Variants in PCYT1A observed in about 807,000 individuals in gnomAD.
PCYT1A encodes choline-phosphate cytidylyltransferase A.
Under a neutral mutation model 43.7 loss-of-function variants are expected in PCYT1A, and 25 were observed. That is an observed-to-expected ratio of 0.57 (90% CI 0.42 to 0.80). The LOEUF is 0.80. PCYT1A is among the 30% of genes least tolerant of loss of function. The pLI, the probability that PCYT1A is intolerant of heterozygous loss-of-function variation, is 0.00. For missense variants in PCYT1A, 421 were observed against 474.2 expected (o/e 0.89, Z 1.04); for synonymous variants, 172 against 170.7 (o/e 1.01, Z -0.06).
intron 3 of PCYT1A, among the ~76,000 whole-genome samples, chr3:196,248,779 C>T (rs1031797945): frequency 1.9e-4 from 29 of 151,358 alleles, no homozygotes; most frequent in Admixed American, 5.3e-4. Flanking sequence ...TTTCTTGAGA[C>T]GGAATCTCGC....
At chr3:196,239,991 C>T (rs1009348436) in intron 7 of PCYT1A, 7 of 424,964 alleles carry the variant, frequency 1.6e-5, no homozygotes, top group African/African-American at 7.9e-5. Flanking sequence ...GTAACAGGCA[C>T]GTAGCCAAAT....
intron 3 of PCYT1A, among the ~76,000 whole-genome samples, 198 bp from the exon 4 acceptor site, chr3:196,248,521 G>A (rs1724642545): frequency 6.6e-6 from 1 of 151,494 alleles, no homozygotes. Context: ...ACAGGTGCAT[G>A]TCATCACGCC....
rs902624671 is a variant in PCYT1A at position 196,273,076 on chromosome 3, G to T, written c.-10-2535C>A. On this transcript the variant is annotated intron_variant, in intron 1 of 8. Transcript: ENST00000431016. The surrounding 1 kb of genome is among the most constrained non-coding windows in gnomAD (Gnocchi z 4.1). Reference sequence around the variant, plus strand: ...CACAGCCAGGCACGCCAGCTGCCAGGGGGTGAGCAGCTCGAGGCGCCAGCT... The same window carrying T: ...CACAGCCAGGCACGCCAGCTGCCAGTGGGTGAGCAGCTCGAGGCGCCAGCT... Among the ~76,000 whole-genome samples the T allele has an allele frequency of 5.1e-4, 77 of 152,318 alleles. 1 individual carries two copies. Among genetic ancestry groups the T allele is most frequent in the Admixed American group, 5.0e-3 (76 of 15,304 alleles).
chr3:196,251,673 T>G (rs539062922), intron 3 of PCYT1A: 1 of 152,182 alleles, frequency 6.6e-6, no homozygotes, highest in Non-Finnish European at 1.5e-5. Context: ...CTGTTTATAA[T>G]AGCAACAGTC....
rs972971675 is a variant in PCYT1A at position 196,249,114 on chromosome 3, G to C, written c.218-791C>G. Reference sequence around the variant, plus strand: ...TCTGGGTATTCACCCTGATTTTAGGGGTAGGTTGGGTTATGAAAAATGACT... The same window carrying C: ...TCTGGGTATTCACCCTGATTTTAGGCGTAGGTTGGGTTATGAAAAATGACT... On this transcript the variant is annotated intron_variant, in intron 3 of 8. Coordinates refer to ENST00000431016, the MANE Select transcript of PCYT1A (RefSeq NM_001312673.2). Among the ~76,000 whole-genome samples the C allele has an allele frequency of 8.6e-5, 13 of 151,688 alleles. No homozygotes were observed. The East Asian group carries it at 2.3e-3, about 27-fold the overall frequency.
rs1725502064 is a variant in PCYT1A, at chr3:196,273,648, T to C, written c.-10-3107A>G. ...TGCAGCCCTCAGTGGAGAGGAGACC[T>C]GGAGTGGGAAGCTCCTATCCGCAGG... is the stretch of plus-strand genomic sequence containing the variant. On this transcript the variant is annotated intron_variant, in intron 1 of 8. Coordinates refer to ENST00000431016, the MANE Select transcript of PCYT1A (RefSeq NM_001312673.2). The surrounding 1 kb of genome is among the most constrained non-coding windows in gnomAD (Gnocchi z 4.1). Among the ~76,000 whole-genome samples the C allele has an allele frequency of 1.3e-5, 2 of 152,210 alleles. No individual in the cohort carries two copies. Among genetic ancestry groups the C allele is most frequent in the Admixed American group, 1.3e-4 (2 of 15,290 alleles).
At chr3:196,260,401 A>G (rs776156529) in intron 2 of PCYT1A, among the ~76,000 whole-genome samples, 2 of 152,246 alleles carry the variant, frequency 1.3e-5, no homozygotes, top group Non-Finnish European at 2.9e-5. Context: ...TGAAGAAGTT[A>G]GAACCATCAT....
At chr3:196,244,085 G>A (rs1238802323) in intron 5 of PCYT1A, among the ~76,000 whole-genome samples, 2 of 147,818 alleles carry the variant, frequency 1.4e-5, no homozygotes, top group Admixed American at 1.4e-4. Context: ...TCTGAGATGT[G>A]GGGAGCGCCT....
intron 5 of PCYT1A, among the ~76,000 whole-genome samples, chr3:196,245,516 G>T (rs189939900): frequency 4.6e-5 from 7 of 152,288 alleles, no homozygotes; most frequent in Admixed American, 2.0e-4. Context: ...TTGTTCGGAG[G>T]CGTGCTAAAC....
rs1380194057 is a variant in PCYT1A, at chr3:196,237,942, A to C, written c.*746T>G. 1 of 152,280 alleles carries C rather than the reference A, an allele frequency of 6.6e-6. No homozygotes were observed. Among genetic ancestry groups the C allele is most frequent in the Non-Finnish European group, 1.5e-5 (1 of 68,060 alleles). The allele number at this position is 152,280 out of a possible 1,614,324, so 9.4% of individuals were successfully genotyped here. ...AAAAGCTCCCAAAGAACTGGGTCAC[A>C]GAGTTTTCTGAGAAGATGAACACAG... is the stretch of plus-strand genomic sequence containing the variant. On this transcript the variant is annotated 3_prime_UTR_variant, in exon 9 of 9. Coordinates refer to ENST00000431016, the MANE Select transcript of PCYT1A (RefSeq NM_001312673.2).
At position 196,237,666 on chromosome 3, in the gene PCYT1A, T is replaced by C. The variant is rs1167623009; in HGVS notation, c.*1022A>G. 6.6e-6 allele frequency: 1 copy of C among 152,226 alleles called. No homozygotes were observed. Among genetic ancestry groups the C allele is most frequent in the African/African-American group, 2.4e-5 (1 of 41,460 alleles). 9.4% of individuals were successfully genotyped at this position (152,226 alleles called of 1,614,324 possible). A position where few individuals can be genotyped will look rare whatever the true frequency, so the allele number is the denominator to read the frequency against. On this transcript the variant is annotated 3_prime_UTR_variant, in exon 9 of 9. Transcript: ENST00000431016. ...CCTTTACATTCTGTGCAAATCTCTCTAATATGGCTATGACCAAAATGGATT... is the reference window on the plus strand; with the variant it reads ...CCTTTACATTCTGTGCAAATCTCTCCAATATGGCTATGACCAAAATGGATT...
rs1236880188 is a variant in PCYT1A, at chr3:196,273,928, C to T, written c.-10-3387G>A. Among the ~76,000 whole-genome samples the T allele has an allele frequency of 6.6e-6, 1 of 152,250 alleles. No homozygotes were observed. Among genetic ancestry groups the T allele is most frequent in the Non-Finnish European group, 1.5e-5 (1 of 68,036 alleles). On this transcript the variant is annotated intron_variant, in intron 1 of 8. Coordinates refer to ENST00000431016, the MANE Select transcript of PCYT1A (RefSeq NM_001312673.2). The surrounding 1 kb of genome is among the most constrained non-coding windows in gnomAD (Gnocchi z 4.1). ...CCTCCTGCTGTCATCAACCTGCTGT[C>T]CACAGCGCCCAGGCTATTCACGAAG...
rs1724809501 is a variant in PCYT1A at position 196,252,015 on chromosome 3, T to TCCTCCCGCCTCAG, written c.218-3705_218-3693dup. Among the ~76,000 whole-genome samples the TCCTCCCGCCTCAG allele has an allele frequency of 1.3e-5, 2 of 151,792 alleles. No homozygotes were observed. Among genetic ancestry groups the TCCTCCCGCCTCAG allele is most frequent in the Non-Finnish European group, 2.9e-5 (2 of 67,962 alleles). ...ACCTCCACCTCCCAGGCTCAAATGATCCTCCCGCCTCAGCCTCCCGAGAAG... is the reference window on the plus strand; with the variant it reads ...ACCTCCACCTCCCAGGCTCAAATGATCCTCCCGCCTCAGCCTCCCGCCTCAGCCTCCCGAGAAG... On this transcript the variant is annotated intron_variant, in intron 3 of 8. Transcript: ENST00000431016. The surrounding 1 kb of genome is among the most constrained non-coding windows in gnomAD (Gnocchi z 4.0).
At chr3:196,270,290 T>A (rs1725392379) in intron 2 of PCYT1A, 125 bp downstream of exon 2, 2 of 722,948 alleles carry the variant, frequency 2.8e-6, no homozygotes, top group African/African-American at 1.8e-5. Flanking sequence ...GGCAGCAGAT[T>A]TCCAGTGACT....
At chr3:196,248,966 T>TA (rs1469364906) in intron 3 of PCYT1A, among the ~76,000 whole-genome samples, 5 of 150,390 alleles carry the variant, frequency 3.3e-5, no homozygotes, top group Non-Finnish European at 5.9e-5. Context: ...TTCACAGTGT[T>TA]AGACAGGATG....
At chr3:196,275,632 C>T (rs964708310) in intron 1 of PCYT1A, among the ~76,000 whole-genome samples, 16 of 151,954 alleles carry the variant, frequency 1.1e-4, no homozygotes, top group African/African-American at 3.9e-4. Context: ...ACTCGGGAGG[C>T]TGAGGCAGAA....
Position 196,236,508 on chromosome 3 carries a change from G to C in PCYT1A, c.*2180C>G, listed in dbSNP as rs1324069879. On this transcript the variant is annotated 3_prime_UTR_variant, in exon 9 of 9. Coordinates refer to ENST00000431016, the MANE Select transcript of PCYT1A (RefSeq NM_001312673.2). ...CTTGTATGACCAGATTTAAGAGTAA[G>C]AACTGCGCTTCAAAGAAGAGTTAGA... The C allele has an allele frequency of 6.6e-6, 1 of 151,168 alleles. No individual in the cohort carries two copies. Among genetic ancestry groups the C allele is most frequent in the Admixed American group, 6.6e-5 (1 of 15,264 alleles). The allele number at this position is 151,168 out of a possible 1,614,324, so 9.4% of individuals were successfully genotyped here.
rs760527029 is a variant in PCYT1A, at chr3:196,241,532, G to A, written c.708+416C>T. The stretch of plus-strand genomic sequence containing the variant: ...TTAAGCTAAGATAAACTTAACTTTC[G>A]TCAATCCAAATTTAAAACTCAGGTC... On this transcript the variant is annotated intron_variant, in intron 7 of 8. Coordinates refer to ENST00000431016, the MANE Select transcript of PCYT1A (RefSeq NM_001312673.2). 86 of 1,291,142 alleles carry A rather than the reference G, an allele frequency of 6.7e-5. 1 individual carries two copies. In the South Asian group the frequency reaches 8.0e-4, roughly 12 times the overall value. 80.0% of individuals were successfully genotyped at this position (1,291,142 alleles called of 1,614,324 possible).
chr3:196,243,977 G>A (rs1420280118), intron 5 of PCYT1A, among the ~76,000 whole-genome samples: 7 of 152,146 alleles, frequency 4.6e-5, no homozygotes, highest in Admixed American at 6.5e-5. Context: ...AGTGAGGAGC[G>A]TCTCTGCCTG....
Sources: gnomAD v4.1 joint callset for allele counts (sites outside exome capture counted in the v4.1 genomes callset) on GRCh38, gnomAD v4.1.1 for gene constraint, Gnocchi (gnomAD v3.1) non-coding constraint, MANE v1.5 for transcripts, NCBI Gene and HGNC (gene_info 2026-07-23, HGNC 2026-07-21) for gene names.